The following DIP2C variants were observed in gnomAD, a reference collection of about 807,000 sequenced individuals.
The protein encoded by DIP2C is disco-interacting protein 2 homolog C.
DIP2C carries 33 observed loss-of-function variants against 192.4 expected under a neutral mutation model. The observed-to-expected ratio is 0.17, with a 90% CI of 0.13 to 0.23. The LOEUF is 0.23. Ranked by LOEUF, DIP2C falls within the 10% of genes least tolerant of loss-of-function variation. DIP2C has a pLI of 1.00. For missense variants in DIP2C, 1,537 were observed against 2,110.1 expected, an observed-to-expected ratio of 0.73 and a Z score of 5.32; for synonymous variants, 979 against 864.1, an observed-to-expected ratio of 1.13 and a Z score of -2.33.
At chr10:293,024 C>T (rs746212552) in intron 32 of DIP2C, among the ~76,000 whole-genome samples, 3 of 152,254 alleles carry the variant, frequency 2.0e-5, no homozygotes, top group Non-Finnish European at 4.4e-5. Flanking sequence ...AGAAGTGCGC[C>T]GGCATACGGC....
At chr10:460,618 T>C (rs1589845382) in intron 3 of DIP2C, among the ~76,000 whole-genome samples, 2 of 152,272 alleles carry the variant, frequency 1.3e-5, no homozygotes, top group East Asian at 1.9e-4. Context: ...ATGGAACAAG[T>C]TGGAAAACAC....
chr10:348,820 T>G, intron 25 of DIP2C, 58 bp from the exon 26 acceptor site: 1 of 1,591,352 alleles, frequency 6.3e-7, no homozygotes, highest in Non-Finnish European at 8.5e-7. Context: ...GTGCACACTC[T>G]CCCTGTCAGC....
chr10:423,091 TCA>T, intron 4 of DIP2C, 58 bp from the exon 5 acceptor site: 1 of 1,468,894 alleles, frequency 6.8e-7, no homozygotes, highest in South Asian at 1.3e-5. Context: ...CACCACAATC[TCA>T]GTCCCTCGCC....
intron 1 of DIP2C, among the ~76,000 whole-genome samples, chr10:661,079 A>T (rs1156573565): frequency 6.6e-6 from 1 of 152,240 alleles, no homozygotes; most frequent in Non-Finnish European, 1.5e-5. Context: ...CAAAAGACAC[A>T]CTAGAATTAG....
At chr10:598,350 G>A (rs542817409) in intron 1 of DIP2C, among the ~76,000 whole-genome samples, 34 of 152,218 alleles carry the variant, frequency 2.2e-4, no homozygotes, top group Non-Finnish European at 4.7e-4. Flanking sequence ...AGAGACCCCT[G>A]CATTGAGCAC....
chr10:447,475 C>T (rs12769209), intron 3 of DIP2C, among the ~76,000 whole-genome samples: 73 of 141,996 alleles, frequency 5.1e-4, no homozygotes, highest in African/African-American at 1.8e-3. Context: ...TCACTCCCAT[C>T]GATACTCAGG....
chr10:319,729 C>CTT (rs1415742073), intron 31 of DIP2C, among the ~76,000 whole-genome samples: 2 of 152,234 alleles, frequency 1.3e-5, no homozygotes, highest in East Asian at 3.9e-4. Flanking sequence ...AATTGAAATT[C>CTT]TTTTAAAGTC....
chr10:552,989 A>C (rs953399362), intron 1 of DIP2C, among the ~76,000 whole-genome samples: 1 of 152,268 alleles, frequency 6.6e-6, no homozygotes, highest in Non-Finnish European at 1.5e-5. Context: ...CAGCCACCCT[A>C]GGGAAGAAGC....
At chr10:382,524 G>T in intron 17 of DIP2C, 123 bp downstream of exon 17, 1 of 691,286 alleles carries the variant, frequency 1.4e-6, no homozygotes, top group Non-Finnish European at 2.5e-6. Flanking sequence ...AACTCATCTT[G>T]AAAGGTTAGG....
chr10:485,514 C>T lies in DIP2C; in HGVS notation c.157+945G>A, dbSNP rs75098013. 6.1e-3 allele frequency among the ~76,000 whole-genome samples: 935 copies of T among 152,244 alleles called. 9 individuals carry two copies. Among genetic ancestry groups the T allele is most frequent in the African/African-American group, 0.015 (631 of 41,524 alleles). ...TACATCACTGTCTCAAAAATCAAGGCAAGAAAAACACGAAATGAAAACAAA... is the reference window on the plus strand; with the variant it reads ...TACATCACTGTCTCAAAAATCAAGGTAAGAAAAACACGAAATGAAAACAAA... On this transcript the variant is annotated intron_variant, in intron 2 of 36. Transcript: ENST00000280886.
At chr10:604,192 A>G (rs1037914664) in intron 1 of DIP2C, among the ~76,000 whole-genome samples, 1 of 152,130 alleles carries the variant, frequency 6.6e-6, no homozygotes, top group African/African-American at 2.4e-5. Flanking sequence ...ACGCAGTCAC[A>G]TCTCCAAAGC....
chr10:345,059 G>C lies in DIP2C; in HGVS notation c.3283C>G (p.Arg1095Gly). The C allele has an allele frequency of 6.2e-7, 1 of 1,613,528 alleles. No homozygotes were observed. The highest frequency in any genetic ancestry group is 8.5e-7 in the Non-Finnish European group (1 of 1,179,924). The change falls in exon 27 of 37, where the codon CGG (arginine) becomes GGG (glycine). Residue 1095 changes from arginine to glycine, a missense_variant. Physicochemically the swap from Arg to Gly is moderately radical, Grantham distance 125 (BLOSUM62 -2). Coordinates refer to ENST00000280886, the MANE Select transcript of DIP2C (RefSeq NM_014974.3). The part of the protein sequence containing the change: ...MTTQLICKLL[R>G]SREAAAAVDV... Reference sequence around the variant, plus strand: ...ACAGCCGCCGCCGCCTCCCTGGACCGCAGCAACTTACAGATCAGCTGTGTC... The same window carrying C: ...ACAGCCGCCGCCGCCTCCCTGGACCCCAGCAACTTACAGATCAGCTGTGTC...
At chr10:459,489 A>G (rs1389746123) in intron 3 of DIP2C, among the ~76,000 whole-genome samples, 1 of 152,236 alleles carries the variant, frequency 6.6e-6, no homozygotes, top group African/African-American at 2.4e-5. Flanking sequence ...TTAGTTCATC[A>G]AAAGACACAG....
chr10:342,484 G>A lies in DIP2C; in HGVS notation c.3454-1155C>T, dbSNP rs146503122. 2.1e-3 allele frequency among the ~76,000 whole-genome samples: 324 copies of A among 152,166 alleles called. 3 individuals carry two copies. The highest frequency in any genetic ancestry group is 6.7e-3 in the African/African-American group (280 of 41,520). On this transcript the variant is annotated intron_variant, in intron 28 of 36. Coordinates refer to ENST00000280886, the MANE Select transcript of DIP2C (RefSeq NM_014974.3). ...CGTGTGACCCTCTCTCTAACACACC[G>A]TCCCACAGGTAGGGGAGGCACCACG...
At position 472,553 on chromosome 10, in the gene DIP2C, G is replaced by A; in HGVS notation, c.158-4C>T. 1.2e-6 allele frequency: 2 copies of A among 1,613,136 alleles called. No individual in the cohort carries two copies. The highest frequency in any genetic ancestry group is 1.7e-6 in the Non-Finnish European group (2 of 1,179,328). ...TGCGGCAAAGCTTGGTCCACCCCTGGATTTCAATAAAAACAGCAGAGTGAG... is the reference window on the plus strand; with the variant it reads ...TGCGGCAAAGCTTGGTCCACCCCTGAATTTCAATAAAAACAGCAGAGTGAG... On this transcript the variant is annotated splice_region_variant and splice_polypyrimidine_tract_variant and intron_variant, in intron 2 of 36. Transcript: ENST00000280886.
At chr10:617,550 G>A (rs1288362127) in intron 1 of DIP2C, among the ~76,000 whole-genome samples, 3 of 152,066 alleles carry the variant, frequency 2.0e-5, no homozygotes, top group African/African-American at 7.2e-5. Context: ...TGGAGGGTGT[G>A]TCCTCTATTC....
At position 431,845 on chromosome 10, in the gene DIP2C, C is replaced by G. The variant is rs1214696079; in HGVS notation, c.395-8812G>C. ...TTTCCGGATCTTAGTGGGAAAAATT[C>G]TAGTTTCTCACAATTGGGTATGATG... is the stretch of plus-strand genomic sequence containing the variant. On this transcript the variant is annotated intron_variant, in intron 4 of 36. Coordinates refer to ENST00000280886, the MANE Select transcript of DIP2C (RefSeq NM_014974.3). Among the ~76,000 whole-genome samples, 3 of 152,122 alleles carry G rather than the reference C, an allele frequency of 2.0e-5. No individual in the cohort carries two copies. The South Asian group carries it at 6.2e-4, about 31-fold the overall frequency.
At chr10:620,172 T>C (rs935722605) in intron 1 of DIP2C, among the ~76,000 whole-genome samples, 2 of 152,346 alleles carry the variant, frequency 1.3e-5, no homozygotes, top group South Asian at 4.1e-4. Flanking sequence ...TGTATAGTCT[T>C]ACAAGGCCAT....
chr10:507,757 G>A (rs1845719465), intron 1 of DIP2C, among the ~76,000 whole-genome samples: 1 of 152,138 alleles, frequency 6.6e-6, no homozygotes, highest in Non-Finnish European at 1.5e-5. Context: ...GAAGGTTAGA[G>A]CATTCCAGCC....
Sources: allele counts gnomAD v4.1 joint callset (sites outside exome capture counted in the v4.1 genomes callset), GRCh38; gene constraint gnomAD v4.1.1; transcripts MANE v1.5; gene names NCBI Gene and HGNC (gene_info 2026-07-23, HGNC 2026-07-21).